The following NRXN1 variants were observed in gnomAD, a reference collection of about 807,000 sequenced individuals.
NRXN1 encodes neurexin-1.
Under a neutral mutation model 150.9 loss-of-function variants are expected in NRXN1, and 39 were observed. The observed-to-expected ratio is 0.26, with a 90% CI of 0.20 to 0.34. NRXN1 has a LOEUF of 0.34. Among genes scored for constraint, NRXN1 ranks in the 10% least tolerant of loss-of-function variants. The pLI is 1.00. For synonymous variants in NRXN1, 924 were observed against 757.0 expected (o/e 1.22, Z -3.62); for missense variants, 1,815 against 1,949.9 (o/e 0.93, Z 1.30).
chr2:50,166,166 AG>A (rs1302675903), intron 18 of NRXN1, among the ~76,000 whole-genome samples: 1 of 152,184 alleles, frequency 6.6e-6, no homozygotes, highest in Non-Finnish European at 1.5e-5. Flanking sequence ...TTGGATTTTC[AG>A]ATTTGGGATG....
At chr2:49,946,658 G>A (rs1201207113) in intron 21 of NRXN1, among the ~76,000 whole-genome samples, 1 of 152,000 alleles carries the variant, frequency 6.6e-6, no homozygotes. Flanking sequence ...CTCATTCCTT[G>A]TTTTTGTCAG....
At chr2:50,803,939 C>G (rs2105714621) in intron 5 of NRXN1, among the ~76,000 whole-genome samples, 1 of 152,256 alleles carries the variant, frequency 6.6e-6, no homozygotes, top group East Asian at 1.9e-4. Flanking sequence ...ATACCTGTAT[C>G]ACTCTCATAA....
At chr2:50,486,554 G>C (rs1279241730) in intron 15 of NRXN1, among the ~76,000 whole-genome samples, 49 of 152,154 alleles carry the variant, frequency 3.2e-4, no homozygotes, top group Admixed American at 3.2e-3. Flanking sequence ...TGGTACACTA[G>C]TACAGGCCCT....
chr2:50,792,792 A>T (rs1358348959), intron 5 of NRXN1, among the ~76,000 whole-genome samples: 1 of 152,112 alleles, frequency 6.6e-6, no homozygotes. Flanking sequence ...TAGAGAATTT[A>T]TTTAAATTTC....
chr2:50,324,381 A>G (rs1181933311), intron 17 of NRXN1, among the ~76,000 whole-genome samples: 1 of 152,248 alleles, frequency 6.6e-6, no homozygotes, highest in Non-Finnish European at 1.5e-5. Flanking sequence ...TAAAGAAGCC[A>G]AGATGATAGA....
At chr2:50,129,085 A>T (rs1476681865) in intron 18 of NRXN1, among the ~76,000 whole-genome samples, 1 of 152,138 alleles carries the variant, frequency 6.6e-6, no homozygotes, top group Non-Finnish European at 1.5e-5. Flanking sequence ...ACTCAAGAAA[A>T]ACCCTATGAT....
intron 17 of NRXN1, among the ~76,000 whole-genome samples, chr2:50,297,179 G>A (rs1046205645): frequency 5.3e-5 from 8 of 152,096 alleles, no homozygotes; most frequent in South Asian, 2.1e-4. Flanking sequence ...GTGAGCCACC[G>A]CACCCGGCTG....
chr2:50,361,405 C>T (rs925519203), intron 17 of NRXN1, among the ~76,000 whole-genome samples: 5 of 151,870 alleles, frequency 3.3e-5, no homozygotes, highest in Admixed American at 6.6e-5. Flanking sequence ...ATCAAATAGA[C>T]ACAATAAAAA....
At chr2:50,655,827 T>C (rs964539429) in intron 5 of NRXN1, among the ~76,000 whole-genome samples, 4 of 151,906 alleles carry the variant, frequency 2.6e-5, no homozygotes, top group Admixed American at 2.0e-4. Context: ...ATTCTAGATC[T>C]ATACAAAGAA....
chr2:51,018,947 G>A (rs368755333), intron 2 of NRXN1, among the ~76,000 whole-genome samples: 35 of 152,144 alleles, frequency 2.3e-4, no homozygotes, highest in African/African-American at 7.0e-4. Context: ...ATAAACAAGC[G>A]TTATGAAAAC....
At chr2:50,369,379 T>C (rs1478832688) in intron 17 of NRXN1, among the ~76,000 whole-genome samples, 3 of 152,036 alleles carry the variant, frequency 2.0e-5, no homozygotes, top group Non-Finnish European at 1.5e-5. Context: ...TTATTAAGTG[T>C]ACTCTGTTTG....
At chr2:50,601,630 G>A (rs1208258029) in intron 8 of NRXN1, among the ~76,000 whole-genome samples, 1 of 152,164 alleles carries the variant, frequency 6.6e-6, no homozygotes, top group Admixed American at 6.5e-5. Context: ...TTAACCTGAT[G>A]TATTTGTAAG....
chr2:50,092,887 G>C (rs1163345091), intron 18 of NRXN1, among the ~76,000 whole-genome samples: 2 of 151,852 alleles, frequency 1.3e-5, no homozygotes, highest in Non-Finnish European at 2.9e-5. Flanking sequence ...TTAGCTTTAG[G>C]CTTGACGGAT....
chr2:50,849,149 T>A lies in NRXN1; in HGVS notation c.832+72720A>T, dbSNP rs566435017. On this transcript the variant is annotated intron_variant, in intron 5 of 22. Coordinates refer to ENST00000401669, the MANE Select transcript of NRXN1 (RefSeq NM_001330078.2). ...CTCCAGAATGCTTACTGCCTATATA[T>A]CCTGAACTACGTAACTCGGAATTTA... Among the ~76,000 whole-genome samples, 3 of 142,724 alleles carry A rather than the reference T, an allele frequency of 2.1e-5. No individual in the cohort carries two copies. In the South Asian group the frequency reaches 6.7e-4, roughly 32 times the overall value. 93.6% of individuals were successfully genotyped at this position (142,724 alleles called of 152,430 possible). A position where few individuals can be genotyped will look rare whatever the true frequency, so the allele number is the denominator to read the frequency against.
chr2:50,748,378 G>C (rs1700231749), intron 5 of NRXN1, among the ~76,000 whole-genome samples: 1 of 152,104 alleles, frequency 6.6e-6, no homozygotes, highest in Non-Finnish European at 1.5e-5. Context: ...ATGTCGATTT[G>C]ATTTTCATTT....
intron 17 of NRXN1, among the ~76,000 whole-genome samples, chr2:50,456,032 T>C (rs1204460177): frequency 6.6e-6 from 1 of 152,026 alleles, no homozygotes; most frequent in African/African-American, 2.4e-5. Context: ...CAAGAAAAAA[T>C]GTGTACTTTA....
chr2:50,055,094 G>T, intron 19 of NRXN1, 50 bp from the exon 20 acceptor site: 1 of 1,286,186 alleles, frequency 7.8e-7, no homozygotes, highest in Non-Finnish European at 1.1e-6. Flanking sequence ...TAAGGTCAAA[G>T]GTTAAAAGTT....
At chr2:50,488,208 C>T (rs76706653) in intron 15 of NRXN1, among the ~76,000 whole-genome samples, 2,998 of 152,146 alleles carry the variant, frequency 0.02, 107 homozygotes, top group African/African-American at 0.069. Context: ...GTAGCCTATC[C>T]CCATATTTCT....
At chr2:50,111,119 G>A (rs1337924036) in intron 18 of NRXN1, among the ~76,000 whole-genome samples, 1 of 151,972 alleles carries the variant, frequency 6.6e-6, no homozygotes, top group Non-Finnish European at 1.5e-5. Context: ...ATACACTGGG[G>A]GCAACTAGCG....
Sources: gnomAD v4.1 joint callset for allele counts (sites outside exome capture counted in the v4.1 genomes callset) on GRCh38, gnomAD v4.1.1 for gene constraint, MANE v1.5 for transcripts, NCBI Gene and HGNC (gene_info 2026-07-23, HGNC 2026-07-21) for gene names.